Variants in PALM2AKAP2 observed in about 807,000 individuals in gnomAD.
PALM2AKAP2 encodes the protein PALM2-AKAP2 fusion protein.
A neutral mutation model predicts 71.5 loss-of-function variants in PALM2AKAP2; 37 were observed. The ratio of observed to expected loss-of-function variants is 0.52; its 90% CI spans 0.40 to 0.68. The LOEUF is 0.68. Among genes scored for constraint, PALM2AKAP2 ranks in the 30% least tolerant of loss-of-function variants. The pLI is 0.00. For missense variants in PALM2AKAP2, 1,224 were observed against 1,191.8 expected, an observed-to-expected ratio of 1.03 and a Z score of -0.40; for synonymous variants, 468 against 478.8, an observed-to-expected ratio of 0.98 and a Z score of 0.29.
intron 1 of PALM2AKAP2, among the ~76,000 whole-genome samples, chr9:109,672,012 A>T (rs930196329): frequency 6.6e-6 from 1 of 152,098 alleles, no homozygotes; most frequent in Non-Finnish European, 1.5e-5. Flanking sequence ...GGCTGAGACT[A>T]TGTGGTTTTC....
At chr9:109,714,852 T>C (rs1828292346) in intron 1 of PALM2AKAP2, among the ~76,000 whole-genome samples, 1 of 152,174 alleles carries the variant, frequency 6.6e-6, no homozygotes, top group Non-Finnish European at 1.5e-5. Flanking sequence ...CCCCATCTCC[T>C]AGCCATGAAG....
intron 1 of PALM2AKAP2, among the ~76,000 whole-genome samples, chr9:109,743,557 A>G (rs1438211670): frequency 6.6e-6 from 1 of 152,198 alleles, no homozygotes; most frequent in East Asian, 1.9e-4. Flanking sequence ...TTAAATATTT[A>G]TATTGAAGAA....
At chr9:110,169,926 A>G (rs539266374) in exon 4 of PALM2AKAP2, 3 of 152,630 alleles carry the variant, frequency 2.0e-5, no homozygotes, top group African/African-American at 7.2e-5. Context: ...TTTCTTTTTT[A>G]TGAAAAGGGA....
At chr9:109,967,400 A>G (rs1389724727) in intron 6 of PALM2AKAP2, among the ~76,000 whole-genome samples, 1 of 150,844 alleles carries the variant, frequency 6.6e-6, no homozygotes, top group East Asian at 1.9e-4. Context: ...TAGCGCAGTG[A>G]GACTCCGTGT....
chr9:109,669,750 C>T (rs1332187745), intron 1 of PALM2AKAP2, among the ~76,000 whole-genome samples: 1 of 151,656 alleles, frequency 6.6e-6, no homozygotes. Flanking sequence ...TTCATAATGT[C>T]CTCTTAATCT....
At chr9:109,672,835 G>A (rs1378517024) in intron 1 of PALM2AKAP2, among the ~76,000 whole-genome samples, 6 of 151,738 alleles carry the variant, frequency 4.0e-5, no homozygotes, top group Admixed American at 3.9e-4. Context: ...AGTCTTAGGA[G>A]GGTATATGTG....
intron 1 of PALM2AKAP2, among the ~76,000 whole-genome samples, chr9:110,061,423 A>G (rs192974423): frequency 6.2e-4 from 94 of 152,180 alleles, no homozygotes; most frequent in African/African-American, 1.9e-3. Flanking sequence ...GAAAAAAACT[A>G]TACATTTTTA....
intron 1 of PALM2AKAP2, among the ~76,000 whole-genome samples, chr9:109,831,456 C>T: frequency 6.6e-6 from 1 of 152,160 alleles, no homozygotes. Context: ...TACCACCTGT[C>T]CTGTTGTGTG....
intron 1 of PALM2AKAP2, among the ~76,000 whole-genome samples, chr9:109,743,328 T>A (rs1157999702): frequency 6.6e-6 from 1 of 152,170 alleles, no homozygotes; most frequent in East Asian, 1.9e-4. Flanking sequence ...CACAGGGTGT[T>A]GAGTCAGCGT....
rs577078919 is a variant in PALM2AKAP2, at chr9:109,767,591, C to G, written c.6-12897C>G. Among the ~76,000 whole-genome samples, 7 of 152,312 alleles carry G rather than the reference C, an allele frequency of 4.6e-5. No individual in the cohort carries two copies. The East Asian group carries it at 1.4e-3, about 29-fold the overall frequency. Reference sequence around the variant, plus strand: ...CAGTTTGCTTAACCCCTCCCAAGGCCGAGATCTGGTGGGGCCACCCTCTGG... The same window carrying G: ...CAGTTTGCTTAACCCCTCCCAAGGCGGAGATCTGGTGGGGCCACCCTCTGG... On this transcript the variant is annotated intron_variant, in intron 1 of 6. Transcript: ENST00000374531.
At chr9:109,832,718 T>C (rs1828337458) in intron 1 of PALM2AKAP2, among the ~76,000 whole-genome samples, 1 of 152,168 alleles carries the variant, frequency 6.6e-6, no homozygotes, top group Admixed American at 6.5e-5. Flanking sequence ...AAGAACATTA[T>C]CAGACCCAAT....
intron 1 of PALM2AKAP2, among the ~76,000 whole-genome samples, chr9:110,133,322 T>G (rs1835775673): frequency 2.0e-5 from 3 of 152,196 alleles, no homozygotes; most frequent in Non-Finnish European, 2.9e-5. Context: ...GAGAAGCAAT[T>G]TCTTCACTTG....
chr9:110,137,997 A>G, exon 2 of PALM2AKAP2: 1 of 1,614,038 alleles, frequency 6.2e-7, no homozygotes, highest in South Asian at 1.1e-5. Flanking sequence ...GAGCAGGTGG[A>G]TAAAGCTGTG....
chr9:109,831,941 C>A (rs1828312740), intron 1 of PALM2AKAP2, among the ~76,000 whole-genome samples: 2 of 152,060 alleles, frequency 1.3e-5, no homozygotes, highest in South Asian at 2.1e-4. Context: ...AGCAGTAGAG[C>A]CTTACGAATT....
chr9:109,693,558 T>C (rs1827928033), intron 1 of PALM2AKAP2, among the ~76,000 whole-genome samples: 1 of 152,042 alleles, frequency 6.6e-6, no homozygotes, highest in African/African-American at 2.4e-5. Context: ...GATTTTAAAC[T>C]TATCTTCTCT....
chr9:109,698,272 A>ATT (rs774359983), intron 1 of PALM2AKAP2, among the ~76,000 whole-genome samples: 4,868 of 118,408 alleles, frequency 0.041, 331 homozygotes, highest in African/African-American at 0.12. Flanking sequence ...TGTGTGCTAC[A>ATT]TTTTTTTTTT....
At chr9:109,744,633 C>T (rs1260616115) in intron 1 of PALM2AKAP2, among the ~76,000 whole-genome samples, 1 of 152,146 alleles carries the variant, frequency 6.6e-6, no homozygotes, top group Non-Finnish European at 1.5e-5. Context: ...AAGCAAAGAA[C>T]AATTGCAAGT....
In PALM2AKAP2 at chr9:110,111,086, C is replaced by CTTTTTTTTTTTTTTTTTTTTTTTTTTTT. The variant is rs34958946; in HGVS notation, c.157-25018_157-25017insTTTTTTTTTTTTTTTTTTTTTTTTTTTT. Among the ~76,000 whole-genome samples, 96 of 84,190 alleles carry CTTTTTTTTTTTTTTTTTTTTTTTTTTTT rather than the reference C, an allele frequency of 1.1e-3. 3 individuals are homozygous for CTTTTTTTTTTTTTTTTTTTTTTTTTTTT. The highest frequency in any genetic ancestry group is 2.6e-3 in the South Asian group (5 of 1,944). 55.2% of individuals were successfully genotyped at this position (84,190 alleles called of 152,430 possible). A position where few individuals can be genotyped will look rare whatever the true frequency, so the allele number is the denominator to read the frequency against. On this transcript the variant is annotated intron_variant, in intron 1 of 3. Coordinates refer to ENST00000374525, the Ensembl canonical transcript of PALM2AKAP2. ...TCCTTTTTTCTTTTCTTTCTTTCTT[C>CTTTTTTTTTTTTTTTTTTTTTTTTTTTT]TTTTTTTTTTTTTTTTTTTTTTTGA...
upstream of PALM2AKAP2, among the ~76,000 whole-genome samples, chr9:110,044,200 C>T (rs1209329440): frequency 1.3e-5 from 2 of 152,088 alleles, no homozygotes; most frequent in Admixed American, 6.6e-5. Context: ...TCCCCCTGGG[C>T]TTGGGATTAC....
Sources: allele counts gnomAD v4.1 joint callset (sites outside exome capture counted in the v4.1 genomes callset), GRCh38; gene constraint gnomAD v4.1.1; transcripts MANE v1.5; gene names NCBI Gene and HGNC (gene_info 2026-07-23, HGNC 2026-07-21).